The following KLHL8 variants were observed in gnomAD, a reference collection of about 807,000 sequenced individuals.
KLHL8 encodes the protein kelch-like protein 8.
Under a neutral mutation model 63.5 loss-of-function variants are expected in KLHL8, and 38 were observed. The observed-to-expected ratio is 0.60, with a 90% CI of 0.46 to 0.78. KLHL8 has a LOEUF of 0.78. KLHL8 is among the 30% of genes least tolerant of loss of function. The pLI, the probability that KLHL8 is intolerant of heterozygous loss-of-function variation, is 0.00. For synonymous variants in KLHL8, 224 were observed against 254.3 expected (o/e 0.88, Z 1.13); for missense variants, 566 against 752.4 (o/e 0.75, Z 2.90).
At chr4:87,206,439 T>A (rs577388760) in intron 1 of KLHL8, among the ~76,000 whole-genome samples, 37 of 152,324 alleles carry the variant, frequency 2.4e-4, no homozygotes, top group African/African-American at 8.9e-4. Flanking sequence ...ATTTTTTACA[T>A]AAAGTAGGGA....
At chr4:87,208,741 T>C (rs1054198697) in intron 1 of KLHL8, among the ~76,000 whole-genome samples, 4 of 152,242 alleles carry the variant, frequency 2.6e-5, no homozygotes, top group Admixed American at 6.5e-5. Flanking sequence ...TAAGTTAAAA[T>C]GCATACAGTT....
In KLHL8 at chr4:87,178,516, T is replaced by A. The variant is rs756885577; in HGVS notation, c.1057A>T (p.Asn353Tyr). ...KNSWFFGPEM[N>Y]SRRRHVGVIS... ...ACACCCACATGTCGCCTTCGACTAT[T>A]CATTTCTGGTCCAAAGAACCAACTG... Residue 353 changes from asparagine to tyrosine, a missense_variant, in exon 5 of 10, where the codon AAT becomes TAT. Coordinates refer to ENST00000273963, the MANE Select transcript of KLHL8 (RefSeq NM_020803.5). The A allele has an allele frequency of 1.2e-6, 2 of 1,612,324 alleles. No individual in the cohort carries two copies. The highest frequency in any genetic ancestry group is 2.2e-5 in the South Asian group (2 of 90,608).
At position 87,226,656 on chromosome 4, in the gene KLHL8, C is replaced by T. The variant is rs185018215; in HGVS notation, n.58-5266G>A. On this transcript the variant is annotated intron_variant and non_coding_transcript_variant, in intron 1 of 1. Coordinates refer to the KLHL8 transcript ENST00000506274. ...ACTTATATAAATAATATATATATTA[C>T]TTATATATAATATATATTATTTATA... Among the ~76,000 whole-genome samples the T allele has an allele frequency of 1.0e-3, 41 of 39,688 alleles. 1 individual carries two copies. Among genetic ancestry groups the T allele is most frequent in the Middle Eastern group, 0.011 (1 of 94 alleles). 26.0% of individuals were successfully genotyped at this position (39,688 alleles called of 152,430 possible).
At chr4:87,170,335 A>T in intron 7 of KLHL8, 97 bp from the exon 8 acceptor site, 3 of 1,441,626 alleles carry the variant, frequency 2.1e-6, no homozygotes, top group Non-Finnish European at 2.8e-6. Flanking sequence ...TATTTCAGGA[A>T]ATAATATGAT....
chr4:87,190,888 CTTTTTA>C (rs1314769471), intron 2 of KLHL8, among the ~76,000 whole-genome samples: 7 of 151,978 alleles, frequency 4.6e-5, no homozygotes, highest in African/African-American at 7.3e-5. Context: ...TTTTCTTTTT[CTTTTTA>C]ATGTCTAAAT....
chr4:87,191,958 T>C (rs1212180332), intron 2 of KLHL8, among the ~76,000 whole-genome samples: 1 of 152,194 alleles, frequency 6.6e-6, no homozygotes, highest in African/African-American at 2.4e-5. Context: ...TTTTCTATGG[T>C]TGTGTAGTAT....
At chr4:87,191,184 A>C (rs976892842) in intron 2 of KLHL8, among the ~76,000 whole-genome samples, 2 of 152,202 alleles carry the variant, frequency 1.3e-5, no homozygotes, top group Non-Finnish European at 2.9e-5. Context: ...TTAAATTACT[A>C]GAGGCCAGGC....
intron 6 of KLHL8, among the ~76,000 whole-genome samples, chr4:87,175,108 G>T (rs943271691): frequency 1.3e-5 from 2 of 152,094 alleles, no homozygotes; most frequent in East Asian, 3.9e-4. Flanking sequence ...ATTTTCTATA[G>T]ATCTTATTTT....
At chr4:87,215,233 T>G (rs1265670378) in intron 1 of KLHL8, among the ~76,000 whole-genome samples, 1 of 152,212 alleles carries the variant, frequency 6.6e-6, no homozygotes, top group Non-Finnish European at 1.5e-5. Flanking sequence ...AATTCAAACT[T>G]TCATTATTAA....
rs578187513 is a variant in KLHL8 at position 87,195,191 on chromosome 4, G to A, written c.216+133C>T. On this transcript the variant is annotated intron_variant, in intron 2 of 9. Coordinates refer to ENST00000273963, the MANE Select transcript of KLHL8 (RefSeq NM_020803.5). ...TCCTTTCTCCTACACTAAAAAAAAA[G>A]ATTGAGACTAAAAGCATTCTGACTG... 32 of 638,522 alleles carry A rather than the reference G, an allele frequency of 5.0e-5. No individual in the cohort carries two copies. The East Asian group carries it at 5.8e-4, about 12-fold the overall frequency. The allele number at this position is 638,522 out of a possible 1,614,324, so 39.6% of individuals were successfully genotyped here.
intron 4 of KLHL8, 107 bp from the exon 5 acceptor site, chr4:87,178,727 G>T: frequency 1.8e-6 from 2 of 1,090,988 alleles, no homozygotes; most frequent in Non-Finnish European, 2.5e-6. Flanking sequence ...AAGTTATTTG[G>T]ATAGTATTCA....
intron 6 of KLHL8, among the ~76,000 whole-genome samples, chr4:87,171,830 T>G (rs1730645406): frequency 6.6e-6 from 1 of 152,226 alleles, no homozygotes; most frequent in Non-Finnish European, 1.5e-5. Flanking sequence ...TAAGGGTCAC[T>G]CTACACTTTC....
intron 8 of KLHL8, among the ~76,000 whole-genome samples, chr4:87,166,399 T>C (rs1291007193): frequency 1.3e-5 from 2 of 152,272 alleles, no homozygotes; most frequent in Non-Finnish European, 2.9e-5. Context: ...CCTTTGCTAG[T>C]GACAACCTCT....
rs1260867172 is a variant in KLHL8 at position 87,170,553 on chromosome 4, T to C, written c.1271A>G (p.Asn424Ser). 1.2e-6 allele frequency: 2 copies of C among 1,614,072 alleles called. No homozygotes were observed. The highest frequency in any genetic ancestry group is 1.1e-5 in the South Asian group (1 of 91,068). The change falls in exon 7 of 10, where the codon AAT (asparagine) becomes AGT (serine). Residue 424 changes from asparagine (N) to serine (S), a missense_variant. By Grantham distance (46) the Asn-to-Ser change is conservative (BLOSUM62 1). Transcript: ENST00000273963. Reference sequence around the variant, plus strand: ...TCTCTCCACATCATTGAAGCAAGTATTGTCATCTAACCCTCCAATTGCATA... The same window carrying C: ...TCTCTCCACATCATTGAAGCAAGTACTGTCATCTAACCCTCCAATTGCATA... The part of the protein sequence containing the change: ...PIYAIGGLDD[N>S]TCFNDVERYD...
intron 2 of KLHL8, among the ~76,000 whole-genome samples, chr4:87,186,859 A>G (rs1015635373): frequency 3.3e-5 from 5 of 152,108 alleles, no homozygotes; most frequent in African/African-American, 4.8e-5. Context: ...CAATTTATCA[A>G]TCAGAAAACT....
rs1731202844 is a variant in KLHL8, at chr4:87,185,212, T to G, written c.765+39A>C. The G allele has an allele frequency of 2.6e-6, 4 of 1,518,160 alleles. No individual in the cohort carries two copies. In the Middle Eastern group the frequency reaches 7.6e-4, roughly 290 times the overall value. 94.0% of individuals were successfully genotyped at this position (1,518,160 alleles called of 1,614,324 possible). ...TGAAGCATGTTGATTTGCTTCCATA[T>G]CACTTCATTTCTGTGTGAAATCTTA... On this transcript the variant is annotated intron_variant, in intron 3 of 9. Transcript: ENST00000273963.
chr4:87,193,559 G>C (rs926793754), intron 2 of KLHL8, among the ~76,000 whole-genome samples: 1 of 152,014 alleles, frequency 6.6e-6, no homozygotes, highest in Non-Finnish European at 1.5e-5. Flanking sequence ...TTCTTTAGAA[G>C]TAGCAAGAGT....
Position 87,163,974 on chromosome 4 carries a change from C to A in KLHL8, c.1643G>T (p.Gly548Val), listed in dbSNP as rs377695386. Residue 548 changes from glycine (G) to valine (V), a missense_variant, in exon 9 of 10, where the codon GGA (glycine) becomes GTA (valine). Physicochemically the swap from Gly to Val is moderately radical, Grantham distance 109. Transcript: ENST00000273963. ...AALTTPRGGV[G>V]IATVMGKIFA... Reference sequence around the variant, plus strand: ...GATTTTGCCCATCACTGTTGCGATTCCCACTCCACCTCTGGGAGTAGTAAG... The same window carrying A: ...GATTTTGCCCATCACTGTTGCGATTACCACTCCACCTCTGGGAGTAGTAAG... 32 of 1,614,186 alleles carry A rather than the reference C, an allele frequency of 2.0e-5. No individual in the cohort carries two copies. Among genetic ancestry groups the A allele is most frequent in the Non-Finnish European group, 2.7e-5 (32 of 1,180,030 alleles).
chr4:87,176,412 A>C (rs186055484), intron 6 of KLHL8, among the ~76,000 whole-genome samples: 1 of 152,332 alleles, frequency 6.6e-6, no homozygotes, highest in Admixed American at 6.5e-5. Flanking sequence ...GAGGGGACAA[A>C]ATCATCCTCA....
Sources: gnomAD v4.1 joint callset for allele counts (sites outside exome capture counted in the v4.1 genomes callset) on GRCh38, gnomAD v4.1.1 for gene constraint, MANE v1.5 for transcripts, NCBI Gene and HGNC (gene_info 2026-07-23, HGNC 2026-07-21) for gene names.